The following BEND2 variants were observed in gnomAD, a reference collection of about 807,000 sequenced individuals.
BEND2 encodes BEN domain-containing protein 2.
A neutral mutation model predicts 43.8 loss-of-function variants in BEND2; 19 were observed. The ratio of observed to expected loss-of-function variants is 0.43; its 90% CI spans 0.30 to 0.64. BEND2 has a LOEUF of 0.64. Ranked by LOEUF, BEND2 falls within the 30% of genes least tolerant of loss-of-function variation. The probability of loss-of-function intolerance (pLI) is 0.11; values close to 1 mark genes in which losing one functional copy is unlikely to be tolerated. For synonymous variants in BEND2, 226 were observed against 210.1 expected (o/e 1.08, Z -0.66); for missense variants, 544 against 574.0 (o/e 0.95, Z 0.53).
intron 13 of BEND2, 45 bp downstream of exon 13, chrX:18,170,956 A>T (rs1375985896): frequency 8.3e-7 from 1 of 1,207,927 alleles, no homozygotes; most frequent in East Asian, 3.0e-5. Flanking sequence ...TCTCTTAAAC[A>T]CAATTGGCTT....
intron 9 of BEND2, among the ~76,000 whole-genome samples, chrX:18,180,248 T>C (rs191670386): frequency 3.8e-4 from 43 of 112,506 alleles, no homozygotes; most frequent in African/African-American, 1.4e-3. Flanking sequence ...ACTCACCAGC[T>C]CTGTGACCTT....
intron 10 of BEND2, among the ~76,000 whole-genome samples, chrX:18,176,861 G>A (rs896329597): frequency 2.7e-5 from 3 of 110,687 alleles, no homozygotes; most frequent in African/African-American, 9.9e-5. Flanking sequence ...TCTTCCCTCT[G>A]CCTAGAACAT....
At position 18,164,973 on chromosome X, in the gene BEND2, C is replaced by T. The variant is rs1259623268; in HGVS notation, c.*36G>A. 3 of 1,127,650 alleles carry T rather than the reference C, an allele frequency of 2.7e-6. No individual in the cohort carries two copies. The highest frequency in any genetic ancestry group is 3.8e-5 in the African/African-American group (2 of 51,996). 92.9% of individuals were successfully genotyped at this position (1,127,650 alleles called of 1,213,427 possible). A position where few individuals can be genotyped will look rare whatever the true frequency, so the allele number is the denominator to read the frequency against. ...TGAGAAACTTACAAAATAGTCTTAA[C>T]AGTTAAAAAAAAAAAAAAAGTTTGG... On this transcript the variant is annotated 3_prime_UTR_variant, in exon 14 of 14. Transcript: ENST00000380033.
chrX:18,165,245 A>G lies in BEND2; in HGVS notation c.2186-22T>C, dbSNP rs199844789. ...AACTCTGATGGTAAAGACCCAAGAC[A>G]TAACAGTTACTTGCAAATCACTTCT... On this transcript the variant is annotated intron_variant, in intron 13 of 13. Transcript: ENST00000380033. The G allele has an allele frequency of 7.8e-5, 88 of 1,129,403 alleles. No homozygotes were observed. In the African/African-American group the frequency reaches 1.2e-3, roughly 16 times the overall value. 93.1% of individuals were successfully genotyped at this position (1,129,403 alleles called of 1,213,427 possible).
chrX:18,220,155 C>T (rs1394525923), intron 1 of BEND2, among the ~76,000 whole-genome samples: 1 of 111,876 alleles, frequency 8.9e-6, no homozygotes, highest in East Asian at 2.9e-4. Flanking sequence ...CCCAAAGCAC[C>T]CCCTCAGAAC....
intron 12 of BEND2, among the ~76,000 whole-genome samples, chrX:18,171,722 T>C (rs1023779076): frequency 8.9e-6 from 1 of 112,238 alleles, no homozygotes; most frequent in Admixed American, 9.5e-5. Context: ...CATGCTACCA[T>C]GGTTCAACAG....
rs975831532 is a variant in BEND2 at position 18,207,248 on chromosome X, T to C, written c.493-3333A>G. ...TACTTTCCAAAATATTTTAGCTCAT[T>C]CCATTCAAGAAACATTATATACGGT... On this transcript the variant is annotated intron_variant, in intron 4 of 13. Transcript: ENST00000380033. Among the ~76,000 whole-genome samples, 7 of 112,298 alleles carry C rather than the reference T, an allele frequency of 6.2e-5. 1 individual carries two copies. Among genetic ancestry groups the C allele is most frequent in the Non-Finnish European group, 1.3e-4 (7 of 53,271 alleles).
chrX:18,183,193 A>G (rs938503791), intron 8 of BEND2, among the ~76,000 whole-genome samples: 3 of 110,781 alleles, frequency 2.7e-5, no homozygotes, highest in Non-Finnish European at 3.8e-5. Context: ...TCAAATGCCT[A>G]TGGACCATTC....
intron 8 of BEND2, among the ~76,000 whole-genome samples, chrX:18,188,254 C>A (rs995958510): frequency 1.4e-4 from 16 of 111,001 alleles, no homozygotes; most frequent in African/African-American, 5.2e-4. Flanking sequence ...GGTTGCTTTT[C>A]TGAAAAGACA....
At chrX:18,197,163 G>A (rs187261307) in intron 6 of BEND2, among the ~76,000 whole-genome samples, 89 of 112,276 alleles carry the variant, frequency 7.9e-4, no homozygotes, top group African/African-American at 2.8e-3. Flanking sequence ...GGCTGGGCAC[G>A]GTGGCTCACG....
intron 4 of BEND2, among the ~76,000 whole-genome samples, chrX:18,210,199 T>G (rs768985044): frequency 9.0e-6 from 1 of 111,023 alleles, no homozygotes; most frequent in Non-Finnish European, 1.9e-5. Context: ...GTAGTATATA[T>G]GAAGACTGAA....
intron 8 of BEND2, among the ~76,000 whole-genome samples, chrX:18,189,780 A>G (rs1279527017): frequency 9.0e-6 from 1 of 111,662 alleles, no homozygotes; most frequent in Non-Finnish European, 1.9e-5. Flanking sequence ...TAAACCCTCA[A>G]TGAAATATTA....
intron 8 of BEND2, 65 bp from the exon 9 acceptor site, chrX:18,180,715 G>T (rs1379247677): frequency 3.6e-6 from 3 of 834,534 alleles, no homozygotes; most frequent in African/African-American, 2.0e-5. Context: ...AGGTACAGAG[G>T]GGAAATACAC....
At chrX:18,175,016 T>C (rs1328469207) in intron 11 of BEND2, among the ~76,000 whole-genome samples, 1 of 111,926 alleles carries the variant, frequency 8.9e-6, no homozygotes, top group East Asian at 2.8e-4. Flanking sequence ...GTCAAGCACA[T>C]AGCAGGCACT....
chrX:18,186,160 A>T (rs1924561827), intron 8 of BEND2, among the ~76,000 whole-genome samples: 2 of 111,908 alleles, frequency 1.8e-5, no homozygotes, highest in African/African-American at 6.5e-5. Flanking sequence ...CAACTTTTCA[A>T]GACATAGACA....
intron 1 of BEND2, among the ~76,000 whole-genome samples, chrX:18,217,094 T>G: frequency 8.9e-6 from 1 of 112,741 alleles, no homozygotes; most frequent in Non-Finnish European, 1.9e-5. Flanking sequence ...GTAGACATAC[T>G]TGTGGTGACC....
intron 6 of BEND2, among the ~76,000 whole-genome samples, chrX:18,199,983 T>A (rs2147420229): frequency 8.9e-6 from 1 of 111,972 alleles, no homozygotes; most frequent in East Asian, 2.8e-4. Context: ...CAGTTTCTTA[T>A]AAAACTAAAC....
chrX:18,208,559 AAC>A (rs1328814548), intron 4 of BEND2, among the ~76,000 whole-genome samples: 22 of 111,516 alleles, frequency 2.0e-4, no homozygotes, highest in Non-Finnish European at 3.9e-4. Context: ...CTATAAAAAG[AAC>A]AGTTTAAATA....
At position 18,214,810 on chromosome X, in the gene BEND2, CAAAAAAAAAA is replaced by C. The variant is rs58814498; in HGVS notation, c.239-909_239-900del. The stretch of plus-strand genomic sequence containing the variant: ...TGGGCGACAGAGAGAGACTCTGTCT[CAAAAAAAAAA>C]AAAAAAAAAAAAAAAGAAAGAAAAA... On this transcript the variant is annotated intron_variant, in intron 2 of 13. Coordinates refer to ENST00000380033, the MANE Select transcript of BEND2 (RefSeq NM_153346.5). Among the ~76,000 whole-genome samples, 124 of 35,455 alleles carry C rather than the reference CAAAAAAAAAA, an allele frequency of 3.5e-3. 2 individuals carry two copies. Among genetic ancestry groups the C allele is most frequent in the African/African-American group, 0.014 (116 of 8,545 alleles). The allele number at this position is 35,455 out of a possible 115,157, so 30.8% of individuals were successfully genotyped here.
Sources: gnomAD v4.1 joint callset for allele counts (sites outside exome capture counted in the v4.1 genomes callset) on GRCh38, gnomAD v4.1.1 for gene constraint, MANE v1.5 for transcripts, NCBI Gene and HGNC (gene_info 2026-07-23, HGNC 2026-07-21) for gene names.